The following TRPM3 variants were observed in gnomAD, a reference collection of about 807,000 sequenced individuals.
TRPM3 encodes transient receptor potential cation channel subfamily M member 3.
TRPM3 carries 77 observed loss-of-function variants against 181.2 expected under a neutral mutation model. That is an observed-to-expected ratio of 0.42 (90% confidence interval 0.35 to 0.51). The LOEUF is 0.51. TRPM3 is among the 20% of genes least tolerant of loss of function. The probability of loss-of-function intolerance (pLI) is 0.01; values close to 1 mark genes in which losing one functional copy is unlikely to be tolerated. For synonymous variants in TRPM3, 745 were observed against 796.4 expected, an observed-to-expected ratio of 0.94 and a Z score of 1.09; for missense variants, 1,759 against 2,196.7, an observed-to-expected ratio of 0.80 and a Z score of 3.98.
intron 1 of TRPM3, among the ~76,000 whole-genome samples, chr9:71,201,783 T>C (rs2078810996): frequency 6.6e-6 from 1 of 152,200 alleles, no homozygotes; most frequent in Non-Finnish European, 1.5e-5. Flanking sequence ...AATTTCCTCC[T>C]GTAGCTCGGA....
intron 6 of TRPM3, among the ~76,000 whole-genome samples, chr9:70,820,890 A>C (rs532855): frequency 0.62 from 93,761 of 151,832 alleles, 29,167 homozygotes; most frequent in Middle Eastern, 0.74. Flanking sequence ...CTAGCAACAG[A>C]CAAAGACTTC....
At chr9:71,170,187 A>G (rs2076780002) in intron 1 of TRPM3, among the ~76,000 whole-genome samples, 1 of 152,028 alleles carries the variant, frequency 6.6e-6, no homozygotes, top group Non-Finnish European at 1.5e-5. Context: ...TGTAAAATTA[A>G]TGACTCAGGG....
At chr9:70,700,261 G>T (rs1352581318) in intron 8 of TRPM3, among the ~76,000 whole-genome samples, 1 of 152,182 alleles carries the variant, frequency 6.6e-6, no homozygotes, top group Non-Finnish European at 1.5e-5. Flanking sequence ...GGGATTATAG[G>T]CGTGAGCCAC....
intron 1 of TRPM3, among the ~76,000 whole-genome samples, chr9:70,969,080 A>G (rs1351195884): frequency 3.3e-5 from 5 of 152,238 alleles, no homozygotes; most frequent in African/African-American, 1.2e-4. Flanking sequence ...GAGGCAATCT[A>G]CAGAATGGGG....
intron 1 of TRPM3, among the ~76,000 whole-genome samples, chr9:71,212,155 T>C (rs1011346189): frequency 6.8e-6 from 1 of 146,646 alleles, no homozygotes; most frequent in African/African-American, 2.8e-5. Context: ...ATCACCCTGT[T>C]GCTCAGGCTT....
At position 71,335,081 on chromosome 9, in the gene TRPM3, G is replaced by T. The variant is rs984422037; in HGVS notation, c.183+111572C>A. 2.6e-5 allele frequency among the ~76,000 whole-genome samples: 4 copies of T among 152,108 alleles called. No homozygotes were observed. In the South Asian group the frequency reaches 8.3e-4, roughly 32 times the overall value. ...AAATGAACTAGAAGGTATTAGGAAG[G>T]AGATCACGGGTAACCAAAAAATTAT... is the stretch of plus-strand genomic sequence containing the variant. On this transcript the variant is annotated intron_variant, in intron 1 of 24. Coordinates refer to the TRPM3 transcript ENST00000357533.
chr9:71,000,016 T>C (rs2097582715), intron 1 of TRPM3, among the ~76,000 whole-genome samples: 1 of 152,226 alleles, frequency 6.6e-6, no homozygotes, highest in Non-Finnish European at 1.5e-5. Context: ...CCTAGTGTTT[T>C]GGGGACCTCA....
chr9:71,168,512 T>TTTC (rs1554838497), intron 1 of TRPM3, among the ~76,000 whole-genome samples: 4 of 132,368 alleles, frequency 3.0e-5, no homozygotes, highest in Non-Finnish European at 6.8e-5. Context: ...ACATTTTTCT[T>TTTC]TTTTTTTTTT....
At chr9:71,292,627 A>G (rs989374258) in intron 1 of TRPM3, among the ~76,000 whole-genome samples, 12 of 151,958 alleles carry the variant, frequency 7.9e-5, no homozygotes, top group Non-Finnish European at 1.5e-4. Context: ...AATCCTAATA[A>G]TGTTTTTTAA....
rs2078151296 is a variant in TRPM3 at position 70,761,570 on chromosome 9, G to C, written c.1272+31C>G. The stretch of plus-strand genomic sequence containing the variant: ...TCAAGAAAATGACTGAAAATGTGGA[G>C]ACAGCTGGCCACCCATGCGGAATTA... On this transcript the variant is annotated intron_variant, in intron 8 of 25. Coordinates refer to ENST00000677713, the MANE Select transcript of TRPM3 (RefSeq NM_001366145.2). The C allele has an allele frequency of 2.5e-6, 4 of 1,613,774 alleles. No individual in the cohort carries two copies. In the African/African-American group the frequency reaches 4.0e-5, roughly 16 times the overall value.
chr9:70,963,227 G>A (rs2097154497), intron 1 of TRPM3, among the ~76,000 whole-genome samples: 1 of 152,156 alleles, frequency 6.6e-6, no homozygotes, highest in Non-Finnish European at 1.5e-5. Flanking sequence ...CATCTTTTCT[G>A]GCAACTGGCT....
At chr9:70,579,800 C>T (rs932126353) in intron 22 of TRPM3, among the ~76,000 whole-genome samples, 1 of 152,238 alleles carries the variant, frequency 6.6e-6, no homozygotes, top group Non-Finnish European at 1.5e-5. Flanking sequence ...CTTGACAAAA[C>T]TGCCATGTAG....
At chr9:70,935,342 A>G (rs2096818730) in intron 1 of TRPM3, among the ~76,000 whole-genome samples, 1 of 152,180 alleles carries the variant, frequency 6.6e-6, no homozygotes, top group Non-Finnish European at 1.5e-5. Flanking sequence ...CACTCTTGGA[A>G]GCATGTACCC....
At chr9:70,564,382 C>T (rs1338013974) in intron 22 of TRPM3, among the ~76,000 whole-genome samples, 3 of 152,180 alleles carry the variant, frequency 2.0e-5, no homozygotes, top group Non-Finnish European at 2.9e-5. Flanking sequence ...GGAGGAGGCA[C>T]CCCTTCCCCT....
At chr9:71,314,815 T>A (rs1051481443) in intron 1 of TRPM3, among the ~76,000 whole-genome samples, 28 of 151,848 alleles carry the variant, frequency 1.8e-4, no homozygotes, top group African/African-American at 6.8e-4. Flanking sequence ...GGACTTAGCT[T>A]CTTTTTTCTT....
At chr9:71,195,693 A>G (rs6560188) in intron 1 of TRPM3, among the ~76,000 whole-genome samples, 65,059 of 151,990 alleles carry the variant, frequency 0.43, 14,362 homozygotes, top group East Asian at 0.52. Flanking sequence ...AATAGCAAAG[A>G]TATAGTATCA....
chr9:70,992,372 T>C (rs546128617), intron 1 of TRPM3, among the ~76,000 whole-genome samples: 1 of 152,320 alleles, frequency 6.6e-6, no homozygotes, highest in South Asian at 2.1e-4. Flanking sequence ...CAAATATTAG[T>C]GATGAATTCT....
intron 1 of TRPM3, among the ~76,000 whole-genome samples, chr9:71,084,321 G>C (rs1419168965): frequency 4.6e-5 from 7 of 151,996 alleles, no homozygotes; most frequent in Admixed American, 4.6e-4. Flanking sequence ...AGCCAATAGG[G>C]AATGAATTAG....
intron 1 of TRPM3, among the ~76,000 whole-genome samples, chr9:71,152,557 G>T (rs959425890): frequency 1.3e-5 from 2 of 152,044 alleles, no homozygotes; most frequent in Middle Eastern, 3.2e-3. Context: ...TTTAATTTAT[G>T]AATTTCAACT....
Sources: allele counts gnomAD v4.1 joint callset (sites outside exome capture counted in the v4.1 genomes callset), GRCh38; gene constraint gnomAD v4.1.1; transcripts MANE v1.5; gene names NCBI Gene and HGNC (gene_info 2026-07-23, HGNC 2026-07-21).